The following IGF2BP2 variants were observed in gnomAD, a reference collection of about 807,000 sequenced individuals.
IGF2BP2 encodes insulin like growth factor 2 mRNA binding protein 2.
A neutral mutation model predicts 75.8 loss-of-function variants in IGF2BP2; 17 were observed. The ratio of observed to expected loss-of-function variants is 0.22; its 90% CI spans 0.15 to 0.34. The LOEUF is 0.34. Among genes scored for constraint, IGF2BP2 ranks in the 10% least tolerant of loss-of-function variants. IGF2BP2 has a pLI of 1.00. For missense variants in IGF2BP2, 516 were observed against 772.4 expected, an observed-to-expected ratio of 0.67 and a Z score of 3.93; for synonymous variants, 288 against 295.6, an observed-to-expected ratio of 0.97 and a Z score of 0.26.
At chr3:185,793,503 G>T (rs763006959) in intron 2 of IGF2BP2, among the ~76,000 whole-genome samples, 10 of 152,262 alleles carry the variant, frequency 6.6e-5, no homozygotes, top group Non-Finnish European at 1.3e-4. Context: ...GTGTGTGTGT[G>T]TAACAAAAGC....
chr3:185,689,967 C>CAAA (rs5855070), intron 5 of IGF2BP2, among the ~76,000 whole-genome samples: 4 of 118,218 alleles, frequency 3.4e-5, no homozygotes, highest in African/African-American at 9.7e-5. Flanking sequence ...GACTCCGTCT[C>CAAA]AAAAAAAAAA....
intron 4 of IGF2BP2, among the ~76,000 whole-genome samples, chr3:185,696,089 G>C (rs539328131): frequency 6.6e-6 from 1 of 151,984 alleles, no homozygotes; most frequent in Admixed American, 6.6e-5. Context: ...ACCTGGCCTC[G>C]GGTGCTTTTT....
At chr3:185,816,587 C>T (rs1196567075) in intron 2 of IGF2BP2, among the ~76,000 whole-genome samples, 1 of 152,146 alleles carries the variant, frequency 6.6e-6, no homozygotes, top group Non-Finnish European at 1.5e-5. Context: ...ACTCAGGGAC[C>T]TCAAAAGACC....
At chr3:185,697,875 AG>A (rs1722787309) in intron 3 of IGF2BP2, among the ~76,000 whole-genome samples, 1 of 152,098 alleles carries the variant, frequency 6.6e-6, no homozygotes, top group African/African-American at 2.4e-5. Flanking sequence ...CCAGCTACTC[AG>A]GAGGCTGGGG....
intron 2 of IGF2BP2, among the ~76,000 whole-genome samples, chr3:185,713,052 A>G (rs1418039889): frequency 6.6e-6 from 1 of 151,890 alleles, no homozygotes; most frequent in African/African-American, 2.4e-5. Context: ...AGGGTGTTGC[A>G]TAGCCTGCCC....
intron 2 of IGF2BP2, among the ~76,000 whole-genome samples, chr3:185,801,489 CAA>C (rs35823870): frequency 1.4e-4 from 7 of 51,668 alleles, no homozygotes; most frequent in East Asian, 6.0e-4. Context: ...AACTCCATCT[CAA>C]AAAAAAAAAA....
chr3:185,687,328 T>C (rs1721285239), intron 6 of IGF2BP2, 137 bp from the exon 7 acceptor site: 11 of 842,378 alleles, frequency 1.3e-5, no homozygotes, highest in Non-Finnish European at 1.8e-5. Context: ...TTGCAATCAG[T>C]GCCATTCTCC....
intron 6 of IGF2BP2, 70 bp from the exon 7 acceptor site, chr3:185,687,261 C>T (rs992976353): frequency 3.2e-5 from 47 of 1,472,704 alleles, no homozygotes; most frequent in Non-Finnish European, 4.1e-5. Flanking sequence ...AAGAAAGCGT[C>T]ACACCAACCC....
Position 185,751,343 on chromosome 3 carries a change from C to T in IGF2BP2, c.240-52996G>A, listed in dbSNP as rs536961209. 9.2e-5 allele frequency among the ~76,000 whole-genome samples: 14 copies of T among 152,094 alleles called. No individual in the cohort carries two copies. In the East Asian group the frequency reaches 1.9e-3, roughly 21 times the overall value. The stretch of plus-strand genomic sequence containing the variant: ...CTGTAATCCCAGCACTTTGGGAGGC[C>T]GAGGCAGGCAGATCACCTGAGGTCG... On this transcript the variant is annotated intron_variant, in intron 2 of 15. Coordinates refer to ENST00000382199, the MANE Select transcript of IGF2BP2 (RefSeq NM_006548.6).
intron 7 of IGF2BP2, among the ~76,000 whole-genome samples, chr3:185,681,163 C>A (rs1196282272): frequency 6.6e-6 from 1 of 152,182 alleles, no homozygotes; most frequent in Non-Finnish European, 1.5e-5. Context: ...TCTCTATTCA[C>A]AGATGACACG....
intron 2 of IGF2BP2, among the ~76,000 whole-genome samples, chr3:185,807,821 A>G (rs1337429824): frequency 6.6e-6 from 1 of 152,226 alleles, no homozygotes; most frequent in Non-Finnish European, 1.5e-5. Context: ...CAACCACATG[A>G]GTAAGCTTAG....
At chr3:185,734,246 A>G (rs2149530211) in intron 2 of IGF2BP2, among the ~76,000 whole-genome samples, 1 of 152,294 alleles carries the variant, frequency 6.6e-6, no homozygotes, top group South Asian at 2.1e-4. Context: ...ATCTCATTCA[A>G]TTCCAACAAC....
In IGF2BP2 at chr3:185,798,395, A is replaced by C. The variant is rs1737725714; in HGVS notation, c.239+24758T>G. 2.0e-5 allele frequency among the ~76,000 whole-genome samples: 3 copies of C among 152,230 alleles called. No individual in the cohort carries two copies. In the South Asian group the frequency reaches 6.2e-4, roughly 31 times the overall value. On this transcript the variant is annotated intron_variant, in intron 2 of 15. Transcript: ENST00000382199. ...TAGGCTATCCAGATCTTTCCTCTCC[A>C]AATTCTACGAGTACAAATAGTGTTA...
At chr3:185,691,881 C>A (rs1471860172) in intron 5 of IGF2BP2, among the ~76,000 whole-genome samples, 1 of 152,154 alleles carries the variant, frequency 6.6e-6, no homozygotes, top group East Asian at 1.9e-4. Flanking sequence ...ACTACAGGTG[C>A]AAGCCACCAT....
intron 2 of IGF2BP2, among the ~76,000 whole-genome samples, chr3:185,752,827 C>T (rs1229398442): frequency 6.6e-6 from 1 of 152,122 alleles, no homozygotes; most frequent in Non-Finnish European, 1.5e-5. Context: ...GAACTCCTAA[C>T]CTCAAGTGAT....
intron 2 of IGF2BP2, among the ~76,000 whole-genome samples, chr3:185,786,031 AGT>A (rs1735833569): frequency 6.6e-6 from 1 of 152,204 alleles, no homozygotes; most frequent in Non-Finnish European, 1.5e-5. Flanking sequence ...AGTTTTAAGC[AGT>A]GTTTTTCAAA....
At chr3:185,653,741 T>C (rs1714983234) in intron 12 of IGF2BP2, among the ~76,000 whole-genome samples, 1 of 152,058 alleles carries the variant, frequency 6.6e-6, no homozygotes, top group African/African-American at 2.4e-5. Context: ...ACAGATGCAG[T>C]TCTAAGCTAA....
At chr3:185,823,288 G>A (rs1037341658) in intron 1 of IGF2BP2, 75 bp from the exon 2 acceptor site, 2 of 1,150,848 alleles carry the variant, frequency 1.7e-6, no homozygotes, top group Admixed American at 2.3e-5. Flanking sequence ...GGCACGCACG[G>A]AACTCCACGC....
chr3:185,771,436 T>C, intron 2 of IGF2BP2, among the ~76,000 whole-genome samples: 1 of 145,142 alleles, frequency 6.9e-6, no homozygotes, highest in Non-Finnish European at 1.5e-5. Flanking sequence ...TAAGACTTCG[T>C]CTCAAAAAAA....
Sources: gnomAD v4.1 joint callset for allele counts (sites outside exome capture counted in the v4.1 genomes callset) on GRCh38, gnomAD v4.1.1 for gene constraint, MANE v1.5 for transcripts, NCBI Gene and HGNC (gene_info 2026-07-23, HGNC 2026-07-21) for gene names.